The following MAN2B1 variants were observed in gnomAD, a reference collection of about 807,000 sequenced individuals.
MAN2B1 encodes lysosomal alpha-mannosidase.
Under a neutral mutation model 127.5 loss-of-function variants are expected in MAN2B1, and 99 were observed. The ratio of observed to expected loss-of-function variants is 0.78; its 90% CI spans 0.66 to 0.92. The LOEUF is 0.92. Among genes scored for constraint, MAN2B1 ranks in the 40% least tolerant of loss-of-function variants. The probability of loss-of-function intolerance (pLI) is 0.00; values close to 1 mark genes in which losing one functional copy is unlikely to be tolerated. For synonymous variants in MAN2B1, 573 were observed against 568.8 expected, an observed-to-expected ratio of 1.01 and a Z score of -0.11; for missense variants, 1,304 against 1,384.8, an observed-to-expected ratio of 0.94 and a Z score of 0.93.
chr19:12,649,719 T>C (rs2023795537), intron 18 of MAN2B1, among the ~76,000 whole-genome samples, 194 bp downstream of exon 18: 1 of 151,878 alleles, frequency 6.6e-6, no homozygotes, highest in Non-Finnish European at 1.5e-5. Context: ...CCTGACCTTG[T>C]GATCTGCCCG....
chr19:12,658,522 G>C lies in MAN2B1; in HGVS notation c.1027-12C>G, dbSNP rs762668361. On this transcript the variant is annotated splice_polypyrimidine_tract_variant and intron_variant, in intron 7 of 23. Coordinates refer to ENST00000456935, the MANE Select transcript of MAN2B1 (RefSeq NM_000528.4). Reference sequence around the variant, plus strand: ...CTTCCTTTTGCCTGCTGCTGGGGGAGGCGACGGAGTGAGCCCTCGGGAGTC... The same window carrying C: ...CTTCCTTTTGCCTGCTGCTGGGGGACGCGACGGAGTGAGCCCTCGGGAGTC... 53 of 1,613,736 alleles carry C rather than the reference G, an allele frequency of 3.3e-5. No homozygotes were observed. The highest frequency in any genetic ancestry group is 4.4e-5 in the Non-Finnish European group (52 of 1,179,908).
At chr19:12,657,995 G>C (rs1029219181) in intron 10 of MAN2B1, 68 bp downstream of exon 10, 18 of 1,252,294 alleles carry the variant, frequency 1.4e-5, no homozygotes, top group Non-Finnish European at 2.0e-5. Flanking sequence ...GAAACTCGAG[G>C]GGGGCGGCCT....
Position 12,646,613 on chromosome 19 carries a change from A to C in MAN2B1, c.*7T>G. On this transcript the variant is annotated 3_prime_UTR_variant, in exon 24 of 24. Coordinates refer to ENST00000456935, the MANE Select transcript of MAN2B1 (RefSeq NM_000528.4). ...GGCTTGGGCTTGGAGGGCCCATCCC[A>C]GCAGACCTAACCATCCACCTCCTTC... 1 of 1,603,882 alleles carries C rather than the reference A, an allele frequency of 6.2e-7. No homozygotes were observed. The highest frequency in any genetic ancestry group is 1.1e-5 in the South Asian group (1 of 90,876).
intron 12 of MAN2B1, 26 bp from the exon 13 acceptor site, chr19:12,656,713 C>T (rs1308634675): frequency 6.6e-7 from 1 of 1,508,474 alleles, no homozygotes; most frequent in Admixed American, 1.7e-5. Flanking sequence ...TCAGAGAGGG[C>T]ATGGGTCACA....
At chr19:12,649,476 T>G (rs772319717) in intron 18 of MAN2B1, 48 bp from the exon 19 acceptor site, 1 of 653,568 alleles carries the variant, frequency 1.5e-6, no homozygotes, top group East Asian at 2.8e-5. Flanking sequence ...GCTCCCCAAC[T>G]CTTTTTTTTT....
chr19:12,652,000 A>G (rs1048407821), intron 16 of MAN2B1, among the ~76,000 whole-genome samples, 153 bp downstream of exon 16: 3 of 152,152 alleles, frequency 2.0e-5, no homozygotes, highest in African/African-American at 7.2e-5. Flanking sequence ...AGGACCCTCA[A>G]ATATTTCCCC....
chr19:12,663,758 C>A lies in MAN2B1; in HGVS notation c.708G>T (p.Glu236Asp). 1 of 1,614,190 alleles carries A rather than the reference C, an allele frequency of 6.2e-7. No homozygotes were observed. The highest frequency in any genetic ancestry group is 8.5e-7 in the Non-Finnish European group (1 of 1,180,030). Residue 236 changes from glutamate (E) to aspartate (D), a missense_variant, in exon 5 of 24, where the codon GAG becomes GAT. Coordinates refer to ENST00000456935, the MANE Select transcript of MAN2B1 (RefSeq NM_000528.4). Reference sequence around the variant, plus strand: ...GGCTGGTGCTGGCCCGCCACACCTGCTCCATCTCCAGCTTCTGCATCCGTA... The same window carrying A: ...GGCTGGTGCTGGCCCGCCACACCTGATCCATCTCCAGCTTCTGCATCCGTA... ...KWVRMQKLEMEQVWRASTSLK... is the reference protein window; with the variant it reads ...KWVRMQKLEMDQVWRASTSLK...
At chr19:12,649,248 T>C (rs2023776786) in intron 19 of MAN2B1, 32 bp from the exon 20 acceptor site, 2 of 1,609,968 alleles carry the variant, frequency 1.2e-6, no homozygotes, top group Admixed American at 1.7e-5. Context: ...TAGAGGGCAG[T>C]CAACCCCAAC....
chr19:12,650,997 C>G (rs1388188510), intron 16 of MAN2B1, among the ~76,000 whole-genome samples: 1 of 129,182 alleles, frequency 7.7e-6, no homozygotes, highest in Non-Finnish European at 1.6e-5. Context: ...TTTTTTGAGA[C>G]AGGGCATCAC....
At position 12,646,515 on chromosome 19, in the gene MAN2B1, GT is replaced by G; in HGVS notation, c.*104del. 1.1e-6 allele frequency: 1 copy of G among 871,064 alleles called. No homozygotes were observed. Among genetic ancestry groups the G allele is most frequent in the African/African-American group, 1.7e-5 (1 of 60,562 alleles). 54.0% of individuals were successfully genotyped at this position (871,064 alleles called of 1,614,324 possible). A position where few individuals can be genotyped will look rare whatever the true frequency, so the allele number is the denominator to read the frequency against. ...CACACTCAGTCACAGAGCGACCTGA[GT>G]CTTAGTAGTAGCGTTTTAATGGCAG... On this transcript the variant is annotated 3_prime_UTR_variant, in exon 24 of 24. Transcript: ENST00000456935.
In MAN2B1 at chr19:12,656,982, G is replaced by C. The variant is rs1298437271; in HGVS notation, c.1494C>G (p.Ile498Met). 1 of 1,613,748 alleles carries C rather than the reference G, an allele frequency of 6.2e-7. No homozygotes were observed. Among genetic ancestry groups the C allele is most frequent in the Admixed American group, 1.7e-5 (1 of 60,026 alleles). The stretch of plus-strand genomic sequence containing the variant: ...CCGTCTGGCTGAGCGGGCAGATGCT[G>C]ATGTTTAGCTGTTGGCAAAAGGTGA... ...DHFTFCQQLN[I>M]SICPLSQTAA... Residue 498 changes from isoleucine (I) to methionine (M), a missense_variant, in exon 12 of 24, where the codon ATC (isoleucine) becomes ATG (methionine). Physicochemically the swap from Ile to Met is conservative, Grantham distance 10. Coordinates refer to ENST00000456935, the MANE Select transcript of MAN2B1 (RefSeq NM_000528.4).
intron 10 of MAN2B1, 185 bp from the exon 11 acceptor site, chr19:12,657,740 C>T (rs1193961034): frequency 2.3e-5 from 15 of 652,610 alleles, no homozygotes; most frequent in African/African-American, 3.6e-5. Context: ...GGGCGGATCA[C>T]GAGGTCAGAT....
chr19:12,650,484 G>A (rs1265572619), intron 16 of MAN2B1, among the ~76,000 whole-genome samples: 1 of 148,106 alleles, frequency 6.8e-6, no homozygotes, highest in Non-Finnish European at 1.5e-5. Flanking sequence ...TCAGCCTCCC[G>A]AGTAGCTGGG....
intron 6 of MAN2B1, among the ~76,000 whole-genome samples, chr19:12,661,835 AAAATT>A (rs1409757350): frequency 3.3e-5 from 5 of 151,240 alleles, no homozygotes; most frequent in African/African-American, 7.3e-5. Flanking sequence ...AAAAAAAAAA[AAAATT>A]AATCTAAAAC....
At chr19:12,658,696 T>G (rs991739426) in intron 7 of MAN2B1, 186 bp from the exon 8 acceptor site, 3 of 616,876 alleles carry the variant, frequency 4.9e-6, no homozygotes, top group Non-Finnish European at 8.7e-6. Flanking sequence ...ACCACTAGCC[T>G]TTTTTAAAAG....
rs534928424 is a variant in MAN2B1 at position 12,647,140 on chromosome 19, G to A, written c.2923+93C>T. On this transcript the variant is annotated intron_variant, in intron 23 of 23. Transcript: ENST00000456935. This position sits in a 1 kb window ranked among gnomAD's most constrained non-coding sequence, Gnocchi z 4.9. ...CCCCATACCCTCATGACCTTTTTGG[G>A]TCCTGGCCAACATCCCATGCCTCAC... 57 of 1,229,324 alleles carry A rather than the reference G, an allele frequency of 4.6e-5. 2 individuals are homozygous for A. In the East Asian group the frequency reaches 1.3e-3, roughly 28 times the overall value. The allele number at this position is 1,229,324 out of a possible 1,614,324, so 76.2% of individuals were successfully genotyped here.
chr19:12,648,208 G>A lies in MAN2B1; in HGVS notation c.2631C>T (p.Ala877=). 6.4e-7 allele frequency: 1 copy of A among 1,557,540 alleles called. No homozygotes were observed. Among genetic ancestry groups the A allele is most frequent in the Non-Finnish European group, 8.6e-7 (1 of 1,157,812 alleles). Reference sequence around the variant, plus strand: ...GCGGAGGAGCCCCGAGATTGTAGGCGGCGCCGCCACCCGGGGCCAGCACCA... The same window carrying A: ...GCGGAGGAGCCCCGAGATTGTAGGCAGCGCCGCCACCCGGGGCCAGCACCA... ...PQVVLAPGGG[A]AYNLGAPPRT... The change falls in exon 21 of 24, where the codon GCC becomes GCT. Residue 877 remains alanine (A), a synonymous_variant. Transcript: ENST00000456935.
intron 16 of MAN2B1, among the ~76,000 whole-genome samples, chr19:12,650,916 C>A (rs1341141751): frequency 6.6e-6 from 1 of 151,748 alleles, no homozygotes; most frequent in Non-Finnish European, 1.5e-5. Context: ...AGATGATCTG[C>A]CTGCCTCTGC....
intron 7 of MAN2B1, among the ~76,000 whole-genome samples, chr19:12,659,462 C>T (rs2024052939): frequency 6.6e-6 from 1 of 152,000 alleles, no homozygotes; most frequent in Non-Finnish European, 1.5e-5. Context: ...CCATCACGCC[C>T]ACCTAATTTG....
Sources: allele counts gnomAD v4.1 joint callset (sites outside exome capture counted in the v4.1 genomes callset), GRCh38; gene constraint gnomAD v4.1.1; non-coding constraint Gnocchi (gnomAD v3.1); transcripts MANE v1.5; gene names NCBI Gene and HGNC (gene_info 2026-07-23, HGNC 2026-07-21).